XRRA1: variants seen among roughly 807,000 people sequenced by gnomAD.
XRRA1 encodes the protein X-ray radiation resistance associated 1, also known as X-ray radiation resistance-associated protein 1.
XRRA1 carries 69 observed loss-of-function variants against 80.2 expected under a neutral mutation model. That is an observed-to-expected ratio of 0.86 (90% CI 0.71 to 1.05). The LOEUF is 1.05. Ranked by LOEUF, XRRA1 falls within the 50% of genes least tolerant of loss-of-function variation. The pLI is 0.00. For missense variants in XRRA1, 967 were observed against 976.4 expected, an observed-to-expected ratio of 0.99 and a Z score of 0.13; for synonymous variants, 348 against 389.9, an observed-to-expected ratio of 0.89 and a Z score of 1.27.
intron 11 of XRRA1, among the ~76,000 whole-genome samples, chr11:74,860,970 T>C (rs1365450501): frequency 6.6e-6 from 1 of 152,188 alleles, no homozygotes. Flanking sequence ...AGTTGGGGCT[T>C]TGCACCAGCA....
intron 10 of XRRA1, among the ~76,000 whole-genome samples, chr11:74,892,138 TA>T (rs1350646912): frequency 6.6e-6 from 1 of 152,126 alleles, no homozygotes; most frequent in Non-Finnish European, 1.5e-5. Flanking sequence ...GGCATCACGC[TA>T]CCTGACTTCA....
At chr11:74,934,179 T>C (rs1020696370) in intron 4 of XRRA1, among the ~76,000 whole-genome samples, 4 of 152,232 alleles carry the variant, frequency 2.6e-5, no homozygotes, top group Non-Finnish European at 5.9e-5. Context: ...AGAGAAGTTA[T>C]GTGCCTTGCC....
chr11:74,843,138 CAG>C lies in XRRA1; in HGVS notation c.*60_*61del. On this transcript the variant is annotated 3_prime_UTR_variant, in exon 19 of 19. Transcript: ENST00000684022. ...CAACCTTGAGGTGCGGTCCAGGGCA[CAG>C]AGCCCTCGGGGAGAGCTGGGGCACA... The C allele has an allele frequency of 6.7e-7, 1 of 1,498,724 alleles. No individual in the cohort carries two copies. The highest frequency in any genetic ancestry group is 1.3e-5 in the South Asian group (1 of 76,066). The allele number at this position is 1,498,724 out of a possible 1,614,324, so 92.8% of individuals were successfully genotyped here. A position where few individuals can be genotyped will look rare whatever the true frequency, so the allele number is the denominator to read the frequency against.
At chr11:74,909,057 A>G (rs1278788308) in intron 8 of XRRA1, among the ~76,000 whole-genome samples, 3 of 152,150 alleles carry the variant, frequency 2.0e-5, no homozygotes, top group South Asian at 2.1e-4. Flanking sequence ...AGATTCCCCA[A>G]TGTTCTTACA....
At chr11:74,939,089 T>A (rs1188905407) in intron 3 of XRRA1, among the ~76,000 whole-genome samples, 2 of 152,206 alleles carry the variant, frequency 1.3e-5, no homozygotes, top group Admixed American at 1.3e-4. Flanking sequence ...TGGTGGCTCA[T>A]GCCTGTAATC....
chr11:74,903,734 T>A (rs1406775375), intron 10 of XRRA1, among the ~76,000 whole-genome samples: 3 of 151,890 alleles, frequency 2.0e-5, no homozygotes, highest in Non-Finnish European at 4.4e-5. Context: ...AATAACTAGA[T>A]GGACATATGG....
intron 11 of XRRA1, among the ~76,000 whole-genome samples, chr11:74,860,692 T>C (rs190108804): frequency 8.5e-4 from 130 of 152,348 alleles, no homozygotes; most frequent in African/African-American, 3.1e-3. Flanking sequence ...ACATGCCCTT[T>C]TGCAGTGTGA....
At chr11:74,891,207 G>A (rs1267227671) in intron 10 of XRRA1, among the ~76,000 whole-genome samples, 2 of 152,134 alleles carry the variant, frequency 1.3e-5, no homozygotes, top group Non-Finnish European at 2.9e-5. Context: ...TATCCACCAC[G>A]ATGAAGTGGG....
chr11:74,928,437 A>G (rs1305500510), intron 6 of XRRA1, among the ~76,000 whole-genome samples: 1 of 152,176 alleles, frequency 6.6e-6, no homozygotes, highest in Non-Finnish European at 1.5e-5. Flanking sequence ...ACGTGTTACA[A>G]TGTATATTGG....
At chr11:74,933,265 C>CTT (rs1042088176) in intron 5 of XRRA1, 3 of 146,444 alleles carry the variant, frequency 2.0e-5, no homozygotes, top group Admixed American at 6.8e-5. Flanking sequence ...CTTTTCTTTT[C>CTT]TTTTTTTTTT....
Position 74,863,025 on chromosome 11 carries a change from A to T in XRRA1, c.1004-4T>A. ...GGGTAAGATGAAAACACAACCTCTG[A>T]AACAGAAGAGAAACAGAATGAAGGT... On this transcript the variant is annotated splice_polypyrimidine_tract_variant and splice_region_variant and intron_variant, in intron 10 of 18. Coordinates refer to ENST00000684022, the MANE Select transcript of XRRA1 (RefSeq NM_001378157.1). 6.2e-7 allele frequency: 1 copy of T among 1,601,338 alleles called. No homozygotes were observed. Among genetic ancestry groups the T allele is most frequent in the Non-Finnish European group, 8.5e-7 (1 of 1,173,788 alleles).
chr11:74,880,145 C>T (rs1041858051), intron 10 of XRRA1, among the ~76,000 whole-genome samples: 1 of 152,106 alleles, frequency 6.6e-6, no homozygotes, highest in African/African-American at 2.4e-5. Flanking sequence ...ATTTCAGCTC[C>T]TGTTATTGGT....
chr11:74,900,252 A>G (rs933910170), intron 10 of XRRA1, among the ~76,000 whole-genome samples: 104 of 152,184 alleles, frequency 6.8e-4, no homozygotes, highest in African/African-American at 2.4e-3. Context: ...AATCCTCAAC[A>G]AAATACTAGC....
At chr11:74,855,074 A>C (rs1348547117) in intron 12 of XRRA1, among the ~76,000 whole-genome samples, 1 of 152,148 alleles carries the variant, frequency 6.6e-6, no homozygotes, top group Non-Finnish European at 1.5e-5. Flanking sequence ...AAGAAAAAAA[A>C]TACTACCTTT....
At chr11:74,931,146 G>T (rs1044988243) in intron 5 of XRRA1, among the ~76,000 whole-genome samples, 1 of 151,344 alleles carries the variant, frequency 6.6e-6, no homozygotes. Flanking sequence ...GTGTGTGTGT[G>T]TGTGTATCAA....
At chr11:74,848,061 C>G (rs11824452) in intron 15 of XRRA1, 54 bp downstream of exon 15, 6 of 1,516,228 alleles carry the variant, frequency 4.0e-6, no homozygotes, top group Middle Eastern at 1.7e-4. Context: ...AAGGGCTGCA[C>G]AGGAACCTGT....
rs1291216113 is a variant in XRRA1, at chr11:74,846,626, C to T, written c.1729-1355G>A. ...TCCTAGGAATGAAAGGTTGGTTTAA[C>T]ATCTGGAAATCAATTAATATAATAT... On this transcript the variant is annotated intron_variant, in intron 15 of 18. Transcript: ENST00000684022. Among the ~76,000 whole-genome samples the T allele has an allele frequency of 6.8e-5, 10 of 147,954 alleles. No homozygotes were observed. The Admixed American group carries it at 7.1e-4, about 10-fold the overall frequency.
intron 10 of XRRA1, among the ~76,000 whole-genome samples, chr11:74,895,809 T>A (rs1363089745): frequency 6.6e-6 from 1 of 152,026 alleles, no homozygotes; most frequent in Non-Finnish European, 1.5e-5. Flanking sequence ...CTAAACACAC[T>A]CTTGGCCAAA....
chr11:74,866,675 GAA>G (rs1485657314), intron 10 of XRRA1, among the ~76,000 whole-genome samples: 2 of 138,738 alleles, frequency 1.4e-5, no homozygotes, highest in Non-Finnish European at 3.1e-5. Flanking sequence ...AAAAATCAAA[GAA>G]ATCCTGGAAT....
Sources: allele counts gnomAD v4.1 joint callset (sites outside exome capture counted in the v4.1 genomes callset), GRCh38; gene constraint gnomAD v4.1.1; transcripts MANE v1.5; gene names NCBI Gene and HGNC (gene_info 2026-07-23, HGNC 2026-07-21).